NME7: variants seen among roughly 807,000 people sequenced by gnomAD.
NME7 encodes the protein nucleoside diphosphate kinase 7.
Under a neutral mutation model 49.1 loss-of-function variants are expected in NME7, and 41 were observed. The ratio of observed to expected loss-of-function variants is 0.83; its 90% confidence interval spans 0.65 to 1.08. The LOEUF (loss-of-function observed/expected upper bound fraction) is 1.08, where lower values mean the gene tolerates loss of function less well. NME7 is among the 50% of genes least tolerant of loss of function. NME7 has a pLI of 0.00. For missense variants in NME7, 423 were observed against 463.4 expected (o/e 0.91, Z 0.80); for synonymous variants, 139 against 150.6 (o/e 0.92, Z 0.56).
At chr1:169,225,720 T>C (rs941590403) in intron 10 of NME7, among the ~76,000 whole-genome samples, 18 of 152,132 alleles carry the variant, frequency 1.2e-4, no homozygotes, top group African/African-American at 4.3e-4. Context: ...GTGCACCCTC[T>C]CCTCTTTGGA....
intron 1 of NME7, among the ~76,000 whole-genome samples, chr1:169,355,324 A>G (rs1302527988): frequency 1.0e-5 from 1 of 98,520 alleles, no homozygotes; most frequent in South Asian, 3.1e-4. Flanking sequence ...TATATTATAT[A>G]TAATATATTG....
chr1:169,163,682 C>T (rs537400275), intron 11 of NME7, among the ~76,000 whole-genome samples: 3 of 152,128 alleles, frequency 2.0e-5, no homozygotes, highest in South Asian at 2.1e-4. Flanking sequence ...AAAAAAAATG[C>T]CCTTTTATGT....
chr1:169,303,079 T>C, intron 5 of NME7, 66 bp downstream of exon 5: 2 of 1,073,532 alleles, frequency 1.9e-6, no homozygotes, highest in Non-Finnish European at 2.8e-6. Context: ...ATTTTACAAA[T>C]GTAACTCCAT....
chr1:169,302,537 AG>A (rs1340364035), intron 5 of NME7, among the ~76,000 whole-genome samples: 2 of 152,320 alleles, frequency 1.3e-5, no homozygotes, highest in African/African-American at 4.8e-5. Context: ...CTTACTTATA[AG>A]TGGGAACTAA....
At chr1:169,304,263 CTG>C (rs926838204) in intron 4 of NME7, among the ~76,000 whole-genome samples, 1 of 152,148 alleles carries the variant, frequency 6.6e-6, no homozygotes, top group African/African-American at 2.4e-5. Flanking sequence ...TCTCCTAACA[CTG>C]TGTAGTTTTC....
intron 7 of NME7, among the ~76,000 whole-genome samples, chr1:169,273,373 A>G (rs1571343845): frequency 7.6e-6 from 1 of 132,312 alleles, no homozygotes; most frequent in Non-Finnish European, 1.8e-5. Context: ...TCCATGTCCA[A>G]TCAAAGGAAA....
At chr1:169,198,612 A>G (rs1660457065) in intron 10 of NME7, among the ~76,000 whole-genome samples, 1 of 152,168 alleles carries the variant, frequency 6.6e-6, no homozygotes, top group Non-Finnish European at 1.5e-5. Context: ...CAGTCATGAA[A>G]GACCACATAT....
chr1:169,282,478 T>C (rs1028066404), intron 7 of NME7, among the ~76,000 whole-genome samples: 2 of 152,178 alleles, frequency 1.3e-5, no homozygotes, highest in Non-Finnish European at 2.9e-5. Context: ...AGTTATTTCA[T>C]GTCTTCTGCT....
intron 4 of NME7, among the ~76,000 whole-genome samples, chr1:169,304,895 G>C (rs1433503901): frequency 6.6e-6 from 1 of 151,954 alleles, no homozygotes; most frequent in Non-Finnish European, 1.5e-5. Context: ...CCTAAAATGG[G>C]GTAAAACTGA....
At chr1:169,133,471 T>C (rs531404502) in intron 11 of NME7, among the ~76,000 whole-genome samples, 1 of 152,328 alleles carries the variant, frequency 6.6e-6, no homozygotes, top group East Asian at 1.9e-4. Flanking sequence ...CATGGCCGTT[T>C]TGGTGAGAAA....
At chr1:169,285,628 G>T (rs1219125036) in intron 7 of NME7, 1 of 152,072 alleles carries the variant, frequency 6.6e-6, no homozygotes, top group Non-Finnish European at 1.5e-5. Context: ...TTAATCTCAT[G>T]GAACCTTAGC....
intron 1 of NME7, among the ~76,000 whole-genome samples, chr1:169,348,799 G>GA (rs1426306299): frequency 1.3e-5 from 2 of 150,418 alleles, no homozygotes; most frequent in African/African-American, 4.9e-5. Flanking sequence ...ATGAATTCCT[G>GA]AAAAAAATGT....
chr1:169,342,023 G>A (rs1032736136), intron 1 of NME7, among the ~76,000 whole-genome samples: 15 of 152,160 alleles, frequency 9.9e-5, no homozygotes, highest in African/African-American at 2.9e-4. Context: ...GGCTTTGGGG[G>A]ACTATTGGAA....
At chr1:169,304,794 A>T (rs2101914222) in intron 4 of NME7, among the ~76,000 whole-genome samples, 1 of 152,328 alleles carries the variant, frequency 6.6e-6, no homozygotes, top group Admixed American at 6.5e-5. Context: ...CTGACTGCTT[A>T]TGCTCTTGCT....
rs552400622 is a variant in NME7, at chr1:169,325,941, C to CT, written c.4-1442dup. Among the ~76,000 whole-genome samples, 298 of 152,046 alleles carry CT rather than the reference C, an allele frequency of 2.0e-3. 4 individuals carry two copies. The highest frequency in any genetic ancestry group is 7.0e-3 in the African/African-American group (289 of 41,488). On this transcript the variant is annotated intron_variant, in intron 1 of 11. Transcript: ENST00000367811. The stretch of plus-strand genomic sequence containing the variant: ...TTTCATATTGATTATAACAATACAG[C>CT]TTTTTTGAGTTTAGGTTTCACTGTG...
intron 6 of NME7, among the ~76,000 whole-genome samples, chr1:169,289,902 T>G (rs1650432868): frequency 6.6e-6 from 1 of 152,068 alleles, no homozygotes; most frequent in African/African-American, 2.4e-5. Context: ...TATCCAGGCT[T>G]CTTTGGGATT....
chr1:169,328,876 T>C (rs544688080), intron 1 of NME7, among the ~76,000 whole-genome samples: 2 of 152,326 alleles, frequency 1.3e-5, no homozygotes, highest in Admixed American at 1.3e-4. Flanking sequence ...TAGATCATAA[T>C]ACCCAAGACT....
intron 3 of NME7, among the ~76,000 whole-genome samples, chr1:169,312,436 T>C (rs1389435800): frequency 2.0e-5 from 3 of 152,312 alleles, no homozygotes; most frequent in African/African-American, 7.2e-5. Context: ...TACCACTTAG[T>C]AATCCTCTTG....
At chr1:169,365,586 A>C (rs1417831386) in intron 1 of NME7, among the ~76,000 whole-genome samples, 2 of 152,204 alleles carry the variant, frequency 1.3e-5, no homozygotes, top group Admixed American at 1.3e-4. Flanking sequence ...ATGGAAAGGG[A>C]AAGGCAAAAG....
Sources: gnomAD v4.1 joint callset for allele counts (sites outside exome capture counted in the v4.1 genomes callset) on GRCh38, gnomAD v4.1.1 for gene constraint, MANE v1.5 for transcripts, NCBI Gene and HGNC (gene_info 2026-07-23, HGNC 2026-07-21) for gene names.